METTL25: variants seen among roughly 807,000 people sequenced by gnomAD.
METTL25 encodes methyltransferase like 25, also known as probable methyltransferase-like protein 25.
METTL25 carries 64 observed loss-of-function variants against 71.6 expected under a neutral mutation model. The observed-to-expected ratio is 0.89, with a 90% CI of 0.73 to 1.10. The LOEUF is 1.10. Ranked by LOEUF, METTL25 falls within the 50% of genes least tolerant of loss-of-function variation. The probability of loss-of-function intolerance (pLI) is 0.00; values close to 1 mark genes in which losing one functional copy is unlikely to be tolerated. For synonymous variants in METTL25, 287 were observed against 250.3 expected, an observed-to-expected ratio of 1.15 and a Z score of -1.38; for missense variants, 807 against 707.0, an observed-to-expected ratio of 1.14 and a Z score of -1.60.
chr12:82,414,746 T>G (rs560715504), intron 5 of METTL25, among the ~76,000 whole-genome samples: 8 of 23,998 alleles, frequency 3.3e-4, no homozygotes, highest in Non-Finnish European at 1.2e-3. Context: ...AAAACTAGAT[T>G]ATAATCTACT....
intron 1 of METTL25, among the ~76,000 whole-genome samples, chr12:82,372,891 C>A (rs981637016): frequency 8.5e-5 from 13 of 152,192 alleles, no homozygotes; most frequent in Admixed American, 3.3e-4. Context: ...GCCCAAGAAC[C>A]TGCAACGGTC....
intron 1 of METTL25, among the ~76,000 whole-genome samples, chr12:82,360,741 A>G (rs1881745429): frequency 6.6e-6 from 1 of 152,126 alleles, no homozygotes; most frequent in Non-Finnish European, 1.5e-5. Context: ...ACTCACAAGG[A>G]GTATGGTCTT....
chr12:82,400,614 G>A (rs957411129), intron 4 of METTL25, among the ~76,000 whole-genome samples: 2 of 151,610 alleles, frequency 1.3e-5, no homozygotes, highest in African/African-American at 4.8e-5. Flanking sequence ...AGTACATTTT[G>A]TCACCTTCTA....
chr12:82,447,957 T>C (rs1361403395), intron 8 of METTL25, among the ~76,000 whole-genome samples: 1 of 152,062 alleles, frequency 6.6e-6, no homozygotes, highest in East Asian at 1.9e-4. Flanking sequence ...TCTAAAGTCA[T>C]ATAGCCTGAA....
At chr12:82,437,636 A>C (rs1419959138) in intron 7 of METTL25, among the ~76,000 whole-genome samples, 1 of 151,702 alleles carries the variant, frequency 6.6e-6, no homozygotes, top group Non-Finnish European at 1.5e-5. Flanking sequence ...AAACATATTT[A>C]TTCTAGTTGA....
intron 2 of METTL25, 141 bp downstream of exon 2, chr12:82,387,108 T>G (rs1474504534): frequency 1.5e-6 from 1 of 677,518 alleles, no homozygotes; most frequent in South Asian, 2.8e-5. Context: ...AACTATTGTT[T>G]AGAAGTGTAG....
intron 8 of METTL25, among the ~76,000 whole-genome samples, chr12:82,456,265 A>C (rs1237971747): frequency 6.6e-6 from 1 of 151,914 alleles, no homozygotes; most frequent in Non-Finnish European, 1.5e-5. Flanking sequence ...GGCATAAATG[A>C]GATCAAGTCA....
At chr12:82,443,415 G>A (rs1185983384) in intron 8 of METTL25, among the ~76,000 whole-genome samples, 1 of 140,464 alleles carries the variant, frequency 7.1e-6, no homozygotes, top group Non-Finnish European at 1.5e-5. Flanking sequence ...AAAGAAAGTA[G>A]CCTACAGCCT....
intron 7 of METTL25, among the ~76,000 whole-genome samples, chr12:82,436,029 A>G (rs1446659721): frequency 6.6e-6 from 1 of 151,422 alleles, no homozygotes; most frequent in African/African-American, 2.4e-5. Context: ...CTTAACTACT[A>G]TACTGCATAT....
chr12:82,390,568 T>C (rs908623304), intron 3 of METTL25, among the ~76,000 whole-genome samples: 6 of 152,054 alleles, frequency 3.9e-5, no homozygotes, highest in African/African-American at 4.8e-5. Flanking sequence ...GTGGTGGTAA[T>C]GGAGATTTTC....
At chr12:82,434,652 G>GATAAT (rs760297277) in intron 6 of METTL25, 43 bp from the exon 7 acceptor site, 2 of 1,576,358 alleles carry the variant, frequency 1.3e-6, no homozygotes, top group Non-Finnish European at 1.7e-6. Flanking sequence ...AATCTTATAA[G>GATAAT]ACTCAATATA....
chr12:82,399,962 A>AAT (rs1555207429), intron 4 of METTL25, among the ~76,000 whole-genome samples: 79 of 149,998 alleles, frequency 5.3e-4, no homozygotes, highest in African/African-American at 1.8e-3. Flanking sequence ...AAAAAAAAAA[A>AAT]GGTAGCTTTT....
intron 9 of METTL25, among the ~76,000 whole-genome samples, chr12:82,471,510 G>GA (rs1273606202): frequency 3.3e-5 from 5 of 152,346 alleles, no homozygotes; most frequent in African/African-American, 1.2e-4. Context: ...AGCATTCTGT[G>GA]AAACAGAATA....
intron 9 of METTL25, among the ~76,000 whole-genome samples, chr12:82,475,538 A>G (rs1274302347): frequency 6.6e-6 from 1 of 151,970 alleles, no homozygotes; most frequent in Admixed American, 6.5e-5. Flanking sequence ...AAAATAATAA[A>G]TTTATTTAAA....
intron 5 of METTL25, among the ~76,000 whole-genome samples, chr12:82,424,159 G>C (rs528059284): frequency 1.3e-5 from 2 of 152,264 alleles, no homozygotes; most frequent in South Asian, 2.1e-4. Flanking sequence ...ATGATAGACT[G>C]GATTAAGAAA....
intron 1 of METTL25, among the ~76,000 whole-genome samples, chr12:82,371,223 C>G (rs965452641): frequency 2.6e-4 from 40 of 152,278 alleles, no homozygotes; most frequent in Non-Finnish European, 2.8e-4. Flanking sequence ...AATTTCCTGG[C>G]CCTCAATTGT....
At chr12:82,381,700 CGG>C (rs1466730839) in intron 1 of METTL25, among the ~76,000 whole-genome samples, 5 of 152,282 alleles carry the variant, frequency 3.3e-5, no homozygotes, top group African/African-American at 1.2e-4. Context: ...CTTTAGCTTT[CGG>C]TTAAGCTGTA....
At position 82,398,942 on chromosome 12, in the gene METTL25, T is replaced by G. The variant is rs1886333469; in HGVS notation, c.679T>G (p.Cys227Gly). The G allele has an allele frequency of 1.2e-6, 2 of 1,612,346 alleles. No homozygotes were observed. The highest frequency in any genetic ancestry group is 1.1e-5 in the South Asian group (1 of 90,918). Reference sequence around the variant, plus strand: ...AAAATTGAAGAAACATTGGAAACTCTGTCATGCTCAGTCAAGATTAGATGT... The same window carrying G: ...AAAATTGAAGAAACATTGGAAACTCGGTCATGCTCAGTCAAGATTAGATGT... The part of the protein sequence containing the change: ...NRKLKKHWKL[C>G]HAQSRLDVNG... Residue 227 changes from cysteine to glycine, a missense_variant, in exon 4 of 12, where the codon TGT becomes GGT. By Grantham distance (159) the Cys-to-Gly change is radical. Transcript: ENST00000248306.
intron 5 of METTL25, among the ~76,000 whole-genome samples, chr12:82,411,344 G>C (rs988306118): frequency 4.6e-5 from 7 of 151,930 alleles, no homozygotes; most frequent in African/African-American, 1.4e-4. Context: ...GGATTATCAA[G>C]GATTATTATC....
Sources: gnomAD v4.1 joint callset for allele counts (sites outside exome capture counted in the v4.1 genomes callset) on GRCh38, gnomAD v4.1.1 for gene constraint, MANE v1.5 for transcripts, NCBI Gene and HGNC (gene_info 2026-07-23, HGNC 2026-07-21) for gene names.